Variants in ATP10B observed in about 807,000 individuals in gnomAD.
ATP10B encodes the protein ATPase phospholipid transporting 10B (putative), also known as phospholipid-transporting ATPase VB.
ATP10B carries 122 observed loss-of-function variants against 141.2 expected under a neutral mutation model. That is an observed-to-expected ratio of 0.86 (90% CI 0.75 to 1.00). The LOEUF (loss-of-function observed/expected upper bound fraction) is 1.00. Among genes scored for constraint, ATP10B ranks in the 50% least tolerant of loss-of-function variants. The pLI is 0.00. For missense variants in ATP10B, 1,876 were observed against 1,825.3 expected, an observed-to-expected ratio of 1.03 and a Z score of -0.51; for synonymous variants, 685 against 692.0, an observed-to-expected ratio of 0.99 and a Z score of 0.16.
At chr5:160,779,799 G>T (rs1770596363) in intron 2 of ATP10B, among the ~76,000 whole-genome samples, 1 of 152,152 alleles carries the variant, frequency 6.6e-6, no homozygotes, top group Non-Finnish European at 1.5e-5. Context: ...AAATAAAGTA[G>T]CTTGCAAGTA....
the ATP10B span, among the ~76,000 whole-genome samples, chr5:160,876,988 C>T: frequency 6.7e-6 from 1 of 149,406 alleles, no homozygotes; most frequent in Non-Finnish European, 1.5e-5. Context: ...CCTTCTGAAA[C>T]TATTCCAATC....
chr5:160,595,581 C>A (rs1756621944), intron 22 of ATP10B, among the ~76,000 whole-genome samples: 1 of 152,022 alleles, frequency 6.6e-6, no homozygotes, highest in Non-Finnish European at 1.5e-5. Context: ...AAAAACCCTT[C>A]AAAAAATCAA....
chr5:160,836,511 C>A (rs1411759801), intron 1 of ATP10B, among the ~76,000 whole-genome samples: 1 of 152,006 alleles, frequency 6.6e-6, no homozygotes, highest in Non-Finnish European at 1.5e-5. Context: ...TTTACATTGC[C>A]CTTCCAAAGT....
the ATP10B span, among the ~76,000 whole-genome samples, chr5:160,908,609 C>T: frequency 6.6e-6 from 1 of 152,164 alleles, no homozygotes; most frequent in Non-Finnish European, 1.5e-5. Flanking sequence ...ACCCTGGGGT[C>T]AGCCAGGTTT....
intron 5 of ATP10B, among the ~76,000 whole-genome samples, chr5:160,687,234 T>G (rs1763811741): frequency 6.6e-6 from 1 of 152,232 alleles, no homozygotes; most frequent in South Asian, 2.1e-4. Context: ...AATGTCTGTC[T>G]CTTTTACTAG....
intron 3 of ATP10B, among the ~76,000 whole-genome samples, chr5:160,693,666 T>A (rs1311168057): frequency 6.6e-6 from 1 of 152,068 alleles, no homozygotes; most frequent in African/African-American, 2.4e-5. Context: ...TGGAAGACAA[T>A]TTTTCCATGG....
chr5:160,926,643 C>T, the ATP10B span, among the ~76,000 whole-genome samples: 4 of 152,198 alleles, frequency 2.6e-5, no homozygotes, highest in Admixed American at 6.5e-5. Flanking sequence ...CCCATAAAAA[C>T]CACCAGCATG....
rs142216519 is a variant in ATP10B, at chr5:160,565,281, C to T, written c.*172G>A. 7.4e-3 allele frequency: 4,906 copies of T among 659,870 alleles called. 38 individuals carry two copies. The highest frequency in any genetic ancestry group is 8.9e-3 in the Non-Finnish European group (3,469 of 390,122). 40.9% of individuals were successfully genotyped at this position (659,870 alleles called of 1,614,324 possible). A position where few individuals can be genotyped will look rare whatever the true frequency, so the allele number is the denominator to read the frequency against. On this transcript the variant is annotated 3_prime_UTR_variant, in exon 26 of 26. Transcript: ENST00000327245. Reference sequence around the variant, plus strand: ...AAAACTAGAGGCCGACTGGGTTTCCCGTCTTTGTGTCAGACCCCTTGGGGC... The same window carrying T: ...AAAACTAGAGGCCGACTGGGTTTCCTGTCTTTGTGTCAGACCCCTTGGGGC...
the ATP10B span, among the ~76,000 whole-genome samples, chr5:160,905,205 T>G: frequency 6.6e-6 from 1 of 152,226 alleles, no homozygotes; most frequent in African/African-American, 2.4e-5. Flanking sequence ...GCTAGTTTGG[T>G]ACCAGAGTTT....
chr5:160,605,567 T>C (rs1338749352), intron 19 of ATP10B, among the ~76,000 whole-genome samples: 1 of 152,200 alleles, frequency 6.6e-6, no homozygotes, highest in East Asian at 1.9e-4. Context: ...ATTCCAGGCA[T>C]AAAAGTAGGA....
At chr5:160,791,167 T>C (rs1771538507) in intron 1 of ATP10B, among the ~76,000 whole-genome samples, 1 of 152,170 alleles carries the variant, frequency 6.6e-6, no homozygotes, top group Non-Finnish European at 1.5e-5. Context: ...CTAGCACCTC[T>C]AGAAGGGAGC....
intron 1 of ATP10B, among the ~76,000 whole-genome samples, chr5:160,842,809 CA>C (rs1178901071): frequency 1.5e-5 from 2 of 134,724 alleles, no homozygotes; most frequent in African/African-American, 6.0e-5. Flanking sequence ...AAAACATTCC[CA>C]CACACACACA....
chr5:160,740,539 C>T (rs943798628), intron 2 of ATP10B, among the ~76,000 whole-genome samples: 16 of 152,318 alleles, frequency 1.1e-4, no homozygotes, highest in East Asian at 1.9e-4. Flanking sequence ...TCACCTTTCC[C>T]CTGAGAGTTC....
At chr5:160,819,289 T>G (rs1773924391) in intron 1 of ATP10B, among the ~76,000 whole-genome samples, 2 of 152,046 alleles carry the variant, frequency 1.3e-5, no homozygotes, top group African/African-American at 4.8e-5. Flanking sequence ...CTTAAATTAC[T>G]TAAGGAAAAA....
In ATP10B at chr5:160,704,914, C is replaced by CTTTTTTTTTTTTTTTTTTTTTTTT. The variant is rs1170629163; in HGVS notation, c.-205+11994_-205+11995insAAAAAAAAAAAAAAAAAAAAAAAA. On this transcript the variant is annotated intron_variant, in intron 3 of 25. Coordinates refer to ENST00000327245, the MANE Select transcript of ATP10B (RefSeq NM_025153.3). ...TGCTAGCTTCCAACATTTCTTTCAT[C>CTTTTTTTTTTTTTTTTTTTTTTTT]TTTTTTTTTTTTTTTTTTTTTGTTG... Among the ~76,000 whole-genome samples the CTTTTTTTTTTTTTTTTTTTTTTTT allele has an allele frequency of 2.3e-3, 193 of 83,630 alleles. 6 individuals carry two copies. Among genetic ancestry groups the CTTTTTTTTTTTTTTTTTTTTTTTT allele is most frequent in the African/African-American group, 4.6e-3 (79 of 17,230 alleles). 54.9% of individuals were successfully genotyped at this position (83,630 alleles called of 152,430 possible).
intron 2 of ATP10B, among the ~76,000 whole-genome samples, chr5:160,774,862 A>T (rs1770174325): frequency 6.6e-6 from 1 of 152,110 alleles, no homozygotes; most frequent in Admixed American, 6.6e-5. Context: ...ACTCCCAGTT[A>T]ACAATCTCAC....
intron 1 of ATP10B, among the ~76,000 whole-genome samples, chr5:160,806,913 T>C (rs1432811341): frequency 6.6e-6 from 1 of 152,152 alleles, no homozygotes; most frequent in Non-Finnish European, 1.5e-5. Flanking sequence ...CACCCTCCAG[T>C]TACTGTAGGG....
intron 3 of ATP10B, among the ~76,000 whole-genome samples, chr5:160,690,058 C>A (rs1283650413): frequency 1.3e-5 from 2 of 151,950 alleles, no homozygotes; most frequent in Non-Finnish European, 2.9e-5. Flanking sequence ...TGCCACACAT[C>A]TACAACCATC....
chr5:160,783,570 CACACACACACACACACACACACACACAT>C lies in ATP10B; in HGVS notation c.-331+1961_-331+1988del, dbSNP rs1310700954. 8.4e-3 allele frequency among the ~76,000 whole-genome samples: 1,018 copies of C among 121,738 alleles called. 4 individuals are homozygous for C. Among genetic ancestry groups the C allele is most frequent in the African/African-American group, 0.014 (442 of 32,452 alleles). The allele number at this position is 121,738 out of a possible 152,430, so 79.9% of individuals were successfully genotyped here. On this transcript the variant is annotated intron_variant, in intron 2 of 25. Coordinates refer to ENST00000327245, the MANE Select transcript of ATP10B (RefSeq NM_025153.3). ...ATATCATATATATATGATACACACA[CACACACACACACACACACACACACACAT>C]ACACACACACACCACAGTTTCTTCA...
Sources: allele counts gnomAD v4.1 joint callset (sites outside exome capture counted in the v4.1 genomes callset), GRCh38; gene constraint gnomAD v4.1.1; transcripts MANE v1.5; gene names NCBI Gene and HGNC (gene_info 2026-07-23, HGNC 2026-07-21).